CHODL: variants seen among roughly 807,000 people sequenced by gnomAD.
CHODL encodes transmembrane protein MT75.
A neutral mutation model predicts 34.5 loss-of-function variants in CHODL; 29 were observed. The ratio of observed to expected loss-of-function variants is 0.84; its 90% CI spans 0.63 to 1.15. The LOEUF is 1.15. Ranked by LOEUF, CHODL falls within the 50% of genes most tolerant of loss-of-function variation. The pLI, the probability that CHODL is intolerant of heterozygous loss-of-function variation, is 0.00. For missense variants in CHODL, 332 were observed against 332.5 expected, an observed-to-expected ratio of 1.00 and a Z score of 0.01; for synonymous variants, 125 against 116.1, an observed-to-expected ratio of 1.08 and a Z score of -0.49.
rs2074135237 is a variant in CHODL, at chr21:18,245,896, G to A, written c.79+594G>A. The A allele has an allele frequency of 7.2e-6, 11 of 1,535,332 alleles. No homozygotes were observed. In the South Asian group the frequency reaches 1.1e-4, roughly 15 times the overall value. On this transcript the variant is annotated intron_variant, in intron 1 of 5. Coordinates refer to ENST00000299295, the MANE Select transcript of CHODL (RefSeq NM_024944.3). ...CTTTGCACACTGCGTTCCAAGTTGG[G>A]GACTTCCCAGAAAATGAAGTCAGCT...
Position 18,260,241 on chromosome 21 carries a change from A to C in CHODL, c.589A>C (p.Asn197His). The change falls in exon 4 of 6, where the codon AAT becomes CAT. Residue 197 changes from asparagine to histidine, a missense_variant. By Grantham distance (68) the Asn-to-His change is moderately conservative (BLOSUM62 1). Transcript: ENST00000299295. ...TAPVEKPYLT[N>H]QPGDTHQNVV... Reference sequence around the variant, plus strand: ...CCCTGTAGAAAAGCCTTATCTTACAAATCAACCAGGAGACACCCATCAGAA... The same window carrying C: ...CCCTGTAGAAAAGCCTTATCTTACACATCAACCAGGAGACACCCATCAGAA... 1 of 1,582,578 alleles carries C rather than the reference A, an allele frequency of 6.3e-7. No homozygotes were observed. The highest frequency in any genetic ancestry group is 8.6e-7 in the Non-Finnish European group (1 of 1,167,424).
At chr21:18,218,994 C>G (rs1399563216) in intron 2 of CHODL, among the ~76,000 whole-genome samples, 2 of 152,156 alleles carry the variant, frequency 1.3e-5, no homozygotes, top group East Asian at 3.9e-4. Context: ...AAGTTCCAAA[C>G]TTTCCCACAT....
At chr21:18,204,499 C>T (rs2073690634) in intron 2 of CHODL, among the ~76,000 whole-genome samples, 1 of 152,024 alleles carries the variant, frequency 6.6e-6, no homozygotes, top group South Asian at 2.1e-4. Context: ...TAGGTCATAC[C>T]ATAGACCTAT....
chr21:18,030,742 A>G (rs2064238168), intron 2 of CHODL, among the ~76,000 whole-genome samples: 1 of 152,136 alleles, frequency 6.6e-6, no homozygotes, highest in African/African-American at 2.4e-5. Context: ...AATTTATTGT[A>G]TTCAATAAGA....
intron 2 of CHODL, among the ~76,000 whole-genome samples, chr21:18,236,322 G>T (rs899995193): frequency 1.3e-5 from 2 of 151,994 alleles, no homozygotes; most frequent in East Asian, 1.9e-4. Flanking sequence ...CGTCCTATAG[G>T]GTCCTTTCCA....
At position 18,265,906 on chromosome 21, in the gene CHODL, T is replaced by G. The variant is rs138030415; in HGVS notation, c.738-48T>G. ...TCCCTTTGGACGTAGACATGCTTAG[T>G]TTAATAAGAAATTTTAGGCACTAAA... On this transcript the variant is annotated intron_variant, in intron 5 of 5. Coordinates refer to ENST00000299295, the MANE Select transcript of CHODL (RefSeq NM_024944.3). 8,554 of 1,506,730 alleles carry G rather than the reference T, an allele frequency of 5.7e-3. 38 individuals are homozygous for G. The highest frequency in any genetic ancestry group is 7.1e-3 in the Non-Finnish European group (7,747 of 1,095,660). The allele number at this position is 1,506,730 out of a possible 1,614,324, so 93.3% of individuals were successfully genotyped here. A position where few individuals can be genotyped will look rare whatever the true frequency, so the allele number is the denominator to read the frequency against.
rs558969072 is a variant in CHODL, at chr21:18,260,820, AAACAAC to A, written c.634+558_634+563del. ...AAGTGAGACCCTGTCTCAAAAAAGCAAACAACAACAACAACAACAACAACAACAAAA... is the reference window on the plus strand; with the variant it reads ...AAGTGAGACCCTGTCTCAAAAAAGCAAACAACAACAACAACAACAACAAAA... On this transcript the variant is annotated intron_variant, in intron 4 of 5. Coordinates refer to ENST00000299295, the MANE Select transcript of CHODL (RefSeq NM_024944.3). 2.0e-4 allele frequency among the ~76,000 whole-genome samples: 27 copies of A among 136,572 alleles called. 1 individual carries two copies. Among genetic ancestry groups the A allele is most frequent in the South Asian group, 1.3e-3 (6 of 4,648 alleles). The allele number at this position is 136,572 out of a possible 152,430, so 89.6% of individuals were successfully genotyped here.
At chr21:18,111,085 C>T (rs1263368655) in intron 2 of CHODL, among the ~76,000 whole-genome samples, 2 of 152,126 alleles carry the variant, frequency 1.3e-5, no homozygotes, top group African/African-American at 4.8e-5. Context: ...TGACAGACTT[C>T]TATTGAGTTT....
intron 2 of CHODL, among the ~76,000 whole-genome samples, chr21:18,200,791 G>T (rs192036491): frequency 1.3e-5 from 2 of 152,112 alleles, no homozygotes; most frequent in African/African-American, 4.8e-5. Context: ...CCTTAAATCC[G>T]ATGACTTGTA....
chr21:18,146,098 A>G (rs1214397966), intron 2 of CHODL, among the ~76,000 whole-genome samples: 2 of 151,080 alleles, frequency 1.3e-5, no homozygotes, highest in East Asian at 3.9e-4. Flanking sequence ...CCTCCCGAGT[A>G]GCTGAGACTA....
chr21:18,151,624 C>T (rs1041402506), intron 2 of CHODL, among the ~76,000 whole-genome samples: 8 of 152,140 alleles, frequency 5.3e-5, no homozygotes, highest in Non-Finnish European at 1.2e-4. Flanking sequence ...CTGGAGGTCC[C>T]GAATTACAAC....
intron 2 of CHODL, among the ~76,000 whole-genome samples, chr21:18,083,368 C>T (rs1568876730): frequency 6.6e-6 from 1 of 152,350 alleles, no homozygotes; most frequent in East Asian, 1.9e-4. Context: ...AGAGCCTCTG[C>T]TAGGGCAGTC....
chr21:18,219,219 G>A (rs146337081), intron 2 of CHODL, among the ~76,000 whole-genome samples: 1 of 152,258 alleles, frequency 6.6e-6, no homozygotes, highest in East Asian at 1.9e-4. Flanking sequence ...CACAGGGCTG[G>A]GGAGTCCTCA....
chr21:18,173,438 A>G (rs2073255580), intron 2 of CHODL, among the ~76,000 whole-genome samples: 1 of 152,218 alleles, frequency 6.6e-6, no homozygotes, highest in Non-Finnish European at 1.5e-5. Context: ...AGTCATTTTA[A>G]TTTATATTTT....
chr21:18,213,378 A>G (rs2073792359), intron 2 of CHODL, among the ~76,000 whole-genome samples: 1 of 152,050 alleles, frequency 6.6e-6, no homozygotes, highest in African/African-American at 2.4e-5. Context: ...GGTACTGAAC[A>G]TTTTCTCTTA....
intron 1 of CHODL, among the ~76,000 whole-genome samples, chr21:17,965,758 G>A (rs910507387): frequency 6.6e-6 from 1 of 152,058 alleles, no homozygotes; most frequent in Non-Finnish European, 1.5e-5. Context: ...ATAAAAGTTA[G>A]TAAAGGGGAA....
chr21:17,938,024 C>T (rs2063331539), intron 1 of CHODL, among the ~76,000 whole-genome samples: 1 of 152,142 alleles, frequency 6.6e-6, no homozygotes, highest in South Asian at 2.1e-4. Flanking sequence ...TGGGCAAGTT[C>T]CCCTCACCCC....
At chr21:18,129,269 AT>A (rs58317594) in intron 2 of CHODL, among the ~76,000 whole-genome samples, 92,566 of 149,880 alleles carry the variant, frequency 0.62, 30,540 homozygotes, top group East Asian at 0.88. Flanking sequence ...CAAAGAAGAG[AT>A]TTTTTTTTTT....
chr21:18,156,920 G>A (rs2073041709), intron 2 of CHODL, among the ~76,000 whole-genome samples: 1 of 152,178 alleles, frequency 6.6e-6, no homozygotes, highest in African/African-American at 2.4e-5. Flanking sequence ...TGGCTGGCAA[G>A]ACCCAGAGTC....
Sources: allele counts gnomAD v4.1 joint callset (sites outside exome capture counted in the v4.1 genomes callset), GRCh38; gene constraint gnomAD v4.1.1; transcripts MANE v1.5; gene names NCBI Gene and HGNC (gene_info 2026-07-23, HGNC 2026-07-21).